Variants in RORA observed in about 807,000 individuals in gnomAD.
RORA encodes RAR related orphan receptor A.
A neutral mutation model predicts 69.5 loss-of-function variants in RORA; 7 were observed. That is an observed-to-expected ratio of 0.10 (90% CI 0.06 to 0.19). The LOEUF (loss-of-function observed/expected upper bound fraction) is 0.19. Among genes scored for constraint, RORA ranks in the 10% least tolerant of loss-of-function variants. RORA has a pLI of 1.00. For missense variants in RORA, 457 were observed against 663.0 expected (o/e 0.69, Z 3.41); for synonymous variants, 261 against 240.8 (o/e 1.08, Z -0.78).
chr15:60,592,759 C>A, intron 2 of RORA: 1 of 1,038,326 alleles, frequency 9.6e-7, no homozygotes, highest in Non-Finnish European at 1.2e-6. Context: ...CCCTCCCGCG[C>A]CCCGGGCCCT....
rs1177295059 is a variant in RORA at position 60,491,232 on chromosome 15, TTAAAG to T, written c.*6218_*6222del. On this transcript the variant is annotated 3_prime_UTR_variant, in exon 11 of 11. Transcript: ENST00000335670. Reference sequence around the variant, plus strand: ...TTCCTAGAAATAGTATTCATCCACATTAAAGTAATAATGATGAAAAAGGAATCACA... The same window carrying T: ...TTCCTAGAAATAGTATTCATCCACATTAATAATGATGAAAAAGGAATCACA... The T allele has an allele frequency of 6.6e-6, 1 of 152,172 alleles. No individual in the cohort carries two copies. Among genetic ancestry groups the T allele is most frequent in the African/African-American group, 2.4e-5 (1 of 41,458 alleles). The allele number at this position is 152,172 out of a possible 1,614,324, so 9.4% of individuals were successfully genotyped here.
At chr15:61,162,191 C>T (rs1243368784) in intron 1 of RORA, among the ~76,000 whole-genome samples, 2 of 152,108 alleles carry the variant, frequency 1.3e-5, no homozygotes, top group Non-Finnish European at 2.9e-5. Flanking sequence ...AACGAATGTT[C>T]TTTGCAGTGT....
chr15:61,193,347 T>G (rs2140917774), intron 1 of RORA, among the ~76,000 whole-genome samples: 1 of 152,334 alleles, frequency 6.6e-6, no homozygotes, highest in South Asian at 2.1e-4. Flanking sequence ...CTGCACAAAG[T>G]TATACTGCTG....
In RORA at chr15:60,497,458, C is replaced by T. The variant is rs1567035108; in HGVS notation, c.1569G>A (p.Gly523=). The T allele has an allele frequency of 1.9e-6, 3 of 1,613,368 alleles. No individual in the cohort carries two copies. The highest frequency in any genetic ancestry group is 2.2e-5 in the East Asian group (1 of 44,868). The change falls in exon 11 of 11, where the codon GGG becomes GGA. Residue 523 remains glycine (G), a synonymous_variant. Transcript: ENST00000335670. ...AGAAGTGCTTAGGTGATAACATTTA[C>T]CCATCAATTTGCATTGCTGGCTCAA... The part of the protein sequence containing the change: ...SEFEPAMQID[G]
At chr15:60,932,138 T>G (rs563296173) in intron 1 of RORA, among the ~76,000 whole-genome samples, 22 of 152,204 alleles carry the variant, frequency 1.4e-4, no homozygotes, top group African/African-American at 5.1e-4. Flanking sequence ...AAACCAATCC[T>G]TTGGAGTAGA....
chr15:60,510,710 A>G (rs2065667437), intron 5 of RORA, among the ~76,000 whole-genome samples: 1 of 152,246 alleles, frequency 6.6e-6, no homozygotes, highest in Non-Finnish European at 1.5e-5. Flanking sequence ...ATGTTGGCTC[A>G]GTGTAAATAG....
chr15:60,601,882 A>C (rs1164301658), intron 2 of RORA, among the ~76,000 whole-genome samples: 1 of 152,132 alleles, frequency 6.6e-6, no homozygotes, highest in African/African-American at 2.4e-5. Context: ...ATGTTTTGAC[A>C]ACACATCTTA....
At chr15:61,092,948 G>A (rs953964009) in intron 1 of RORA, among the ~76,000 whole-genome samples, 4 of 152,138 alleles carry the variant, frequency 2.6e-5, no homozygotes, top group Admixed American at 1.3e-4. Flanking sequence ...GTAGGTGAAT[G>A]CTGAAGTAGG....
At chr15:61,094,192 A>C (rs972533885) in intron 1 of RORA, among the ~76,000 whole-genome samples, 14 of 152,214 alleles carry the variant, frequency 9.2e-5, no homozygotes, top group African/African-American at 3.4e-4. Context: ...TATGTGAGTG[A>C]ACAAAAATAA....
At chr15:60,744,882 C>G (rs138480347) in intron 1 of RORA, among the ~76,000 whole-genome samples, 1 of 152,308 alleles carries the variant, frequency 6.6e-6, no homozygotes, top group Non-Finnish European at 1.5e-5. Context: ...CTACTGGGAA[C>G]TGGACAATTT....
intron 1 of RORA, among the ~76,000 whole-genome samples, chr15:60,981,405 TTCTC>T (rs962916223): frequency 6.6e-6 from 1 of 152,084 alleles, no homozygotes; most frequent in Admixed American, 6.5e-5. Flanking sequence ...TTCTACCCCT[TTCTC>T]TCTCTTCTCT....
At chr15:60,702,533 G>A (rs2070999223) in intron 1 of RORA, among the ~76,000 whole-genome samples, 1 of 152,130 alleles carries the variant, frequency 6.6e-6, no homozygotes, top group South Asian at 2.1e-4. Flanking sequence ...CGCCTGGCCA[G>A]TTTCAAGGAT....
At position 60,490,425 on chromosome 15, in the gene RORA, T is replaced by G. The variant is rs1230593174; in HGVS notation, c.*7030A>C. The G allele has an allele frequency of 1.3e-5, 2 of 152,118 alleles. No homozygotes were observed. The highest frequency in any genetic ancestry group is 3.8e-4 in the East Asian group (2 of 5,198). 9.4% of individuals were successfully genotyped at this position (152,118 alleles called of 1,614,324 possible). ...ATAAATATTTGCACTGAGTAGGCTGTTTATAATATAACATTTTCTTATCTA... is the reference window on the plus strand; with the variant it reads ...ATAAATATTTGCACTGAGTAGGCTGGTTATAATATAACATTTTCTTATCTA... On this transcript the variant is annotated 3_prime_UTR_variant, in exon 11 of 11. Coordinates refer to ENST00000335670, the MANE Select transcript of RORA (RefSeq NM_134261.3). The surrounding 1 kb of genome is among the most constrained non-coding windows in gnomAD (Gnocchi z 4.1).
chr15:60,734,075 A>C (rs1595669772), intron 1 of RORA, among the ~76,000 whole-genome samples: 1 of 152,222 alleles, frequency 6.6e-6, no homozygotes, highest in Non-Finnish European at 1.5e-5. Flanking sequence ...GTGACTCTTA[A>C]TCCTTCATCA....
At chr15:61,041,811 T>C (rs1049936310) in intron 1 of RORA, among the ~76,000 whole-genome samples, 3 of 152,342 alleles carry the variant, frequency 2.0e-5, no homozygotes, top group Middle Eastern at 3.4e-3. Context: ...AAGCTGGGAC[T>C]AAAGTAATAG....
intron 2 of RORA, chr15:60,614,966 C>T: frequency 6.2e-7 from 1 of 1,614,028 alleles, no homozygotes; most frequent in African/African-American, 1.3e-5. Context: ...GTGGCTCCAT[C>T]CCAGTTTATG....
intron 1 of RORA, among the ~76,000 whole-genome samples, chr15:61,078,995 C>A (rs1390043802): frequency 6.6e-6 from 1 of 152,112 alleles, no homozygotes; most frequent in Non-Finnish European, 1.5e-5. Context: ...ACTTACCTAC[C>A]TTTCCACAAG....
chr15:60,529,792 A>G (rs1028216768), intron 3 of RORA: 2 of 152,152 alleles, frequency 1.3e-5, no homozygotes, highest in East Asian at 1.9e-4. Flanking sequence ...TAATCTTCCA[A>G]ATTGTTGGGG....
intron 1 of RORA, among the ~76,000 whole-genome samples, chr15:60,934,369 C>G (rs1333193190): frequency 6.6e-6 from 1 of 152,156 alleles, no homozygotes; most frequent in East Asian, 1.9e-4. Context: ...TCAGAGTCCT[C>G]TGGAGGGCTT....
Sources: gnomAD v4.1 joint callset for allele counts (sites outside exome capture counted in the v4.1 genomes callset) on GRCh38, gnomAD v4.1.1 for gene constraint, Gnocchi (gnomAD v3.1) non-coding constraint, MANE v1.5 for transcripts, NCBI Gene and HGNC (gene_info 2026-07-23, HGNC 2026-07-21) for gene names.